The following EDEM2 variants were observed in gnomAD, a reference collection of about 807,000 sequenced individuals.
EDEM2 encodes ER degradation-enhancing alpha-mannosidase-like protein 2.
EDEM2 carries 39 observed loss-of-function variants against 64.8 expected under a neutral mutation model. The observed-to-expected ratio is 0.60, with a 90% CI of 0.47 to 0.79. The LOEUF is 0.79. EDEM2 is among the 30% of genes least tolerant of loss of function. EDEM2 has a pLI of 0.00. For synonymous variants in EDEM2, 296 were observed against 291.5 expected (o/e 1.02, Z -0.16); for missense variants, 609 against 731.3 (o/e 0.83, Z 1.93).
intron 2 of EDEM2, 89 bp from the exon 3 acceptor site, chr20:35,145,107 A>G: frequency 7.4e-7 from 1 of 1,355,910 alleles, no homozygotes; most frequent in Non-Finnish European, 1.0e-6. Context: ...CCTAAAACTA[A>G]ATGAGGCAAA....
At chr20:35,138,991 C>T (rs2085614941) in intron 4 of EDEM2, among the ~76,000 whole-genome samples, 1 of 152,150 alleles carries the variant, frequency 6.6e-6, no homozygotes, top group African/African-American at 2.4e-5. Flanking sequence ...TTTCAAAATT[C>T]CCCTCCTCCC....
At chr20:35,115,976 T>G (rs754132066) in intron 10 of EDEM2, 43 bp from the exon 11 acceptor site, 22 of 1,586,682 alleles carry the variant, frequency 1.4e-5, no homozygotes, top group Middle Eastern at 1.7e-4. Context: ...ACCATCACAA[T>G]TTAGTAGTAA....
intron 10 of EDEM2, chr20:35,117,157 A>C (rs1045496911): frequency 1.3e-5 from 2 of 152,174 alleles, no homozygotes; most frequent in African/African-American, 4.8e-5. Context: ...CAAAGTATCG[A>C]CACTTACTAG....
Position 35,134,855 on chromosome 20 carries a change from A to C in EDEM2, c.585T>G (p.Ile195Met), listed in dbSNP as rs148452142. 1 of 1,614,070 alleles carries C rather than the reference A, an allele frequency of 6.2e-7. No homozygotes were observed. The highest frequency in any genetic ancestry group is 8.5e-7 in the Non-Finnish European group (1 of 1,180,038). Residue 195 changes from isoleucine (I) to methionine (M), a missense_variant, in exon 6 of 11, where the codon ATT becomes ATG. Transcript: ENST00000374492. ...GETPVTCTAG[I>M]GTFIVEFATL... ...TGGCAAATTCAACAATGAAGGTCCCAATCCCTGCCGTACAGGTGACAGGGG... is the reference window on the plus strand; with the variant it reads ...TGGCAAATTCAACAATGAAGGTCCCCATCCCTGCCGTACAGGTGACAGGGG...
At chr20:35,135,650 CAAAAT>C (rs1246297874) in intron 5 of EDEM2, among the ~76,000 whole-genome samples, 1 of 138,854 alleles carries the variant, frequency 7.2e-6, no homozygotes, top group Admixed American at 6.9e-5. Context: ...GACCCTGTCT[CAAAAT>C]AATAATAATA....
At chr20:35,129,102 C>G (rs1318163239) in intron 7 of EDEM2, among the ~76,000 whole-genome samples, 3 of 151,474 alleles carry the variant, frequency 2.0e-5, no homozygotes, top group Non-Finnish European at 4.4e-5. Flanking sequence ...ACCCATCCAT[C>G]TCTACTAAAA....
intron 8 of EDEM2, 118 bp from the exon 9 acceptor site, chr20:35,124,152 G>C (rs2085402682): frequency 7.8e-7 from 1 of 1,288,708 alleles, no homozygotes; most frequent in Non-Finnish European, 1.1e-6. Context: ...CAATCCCTGA[G>C]TCTGCCAGTT....
At chr20:35,146,420 G>A (rs954908471) in intron 2 of EDEM2, among the ~76,000 whole-genome samples, 1 of 152,078 alleles carries the variant, frequency 6.6e-6, no homozygotes, top group Non-Finnish European at 1.5e-5. Context: ...CAGGCACGGG[G>A]CACACCAACT....
intron 10 of EDEM2, chr20:35,118,384 T>C (rs6088722): frequency 0.72 from 451,278 of 624,224 alleles, 163,919 homozygotes; most frequent in Admixed American, 0.83. Context: ...AGGAACTAAT[T>C]CTAGCTCTAC....
intron 9 of EDEM2, among the ~76,000 whole-genome samples, chr20:35,120,920 G>T (rs1041950114): frequency 6.6e-6 from 1 of 151,824 alleles, no homozygotes; most frequent in Admixed American, 6.6e-5. Context: ...AGCAGCTGGT[G>T]GGCCAGTGCC....
At chr20:35,146,988 G>C in intron 1 of EDEM2, 53 bp from the exon 2 acceptor site, 1 of 1,585,102 alleles carries the variant, frequency 6.3e-7, no homozygotes, top group Non-Finnish European at 8.6e-7. Context: ...AAACAAGCGG[G>C]GGAAGAACAA....
intron 7 of EDEM2, among the ~76,000 whole-genome samples, chr20:35,130,387 A>C (rs1277597714): frequency 1.3e-5 from 2 of 152,212 alleles, no homozygotes; most frequent in African/African-American, 4.8e-5. Context: ...TTTAATTTAT[A>C]AATTAGGCAT....
At chr20:35,126,407 T>G in intron 7 of EDEM2, 32 bp from the exon 8 acceptor site, 3 of 1,611,426 alleles carry the variant, frequency 1.9e-6, no homozygotes, top group Non-Finnish European at 2.5e-6. Context: ...AATGGACATA[T>G]GAGTGATTAG....
intron 7 of EDEM2, among the ~76,000 whole-genome samples, chr20:35,129,462 TCAGGAGGCTGAGG>T (rs2085479632): frequency 1.3e-5 from 2 of 150,312 alleles, no homozygotes; most frequent in African/African-American, 4.9e-5. Flanking sequence ...TCCCAGCTAC[TCAGGAGGCTGAGG>T]CAGGAGAATC....
chr20:35,134,667 T>A, intron 6 of EDEM2, 71 bp downstream of exon 6: 1 of 1,563,154 alleles, frequency 6.4e-7, no homozygotes, highest in Non-Finnish European at 8.7e-7. Flanking sequence ...TTGGCTTGAC[T>A]GCAACTTATT....
At chr20:35,131,562 T>C in intron 7 of EDEM2, 80 bp downstream of exon 7, 21 of 1,547,226 alleles carry the variant, frequency 1.4e-5, no homozygotes, top group Non-Finnish European at 1.8e-5. Context: ...CAAGACTCTG[T>C]CTCAAAAAAA....
At chr20:35,121,788 C>T (rs1177548226) in intron 9 of EDEM2, among the ~76,000 whole-genome samples, 4 of 114,944 alleles carry the variant, frequency 3.5e-5, no homozygotes, top group South Asian at 5.8e-4. Flanking sequence ...TTCCTGACAG[C>T]GGTGCCTTAT....
At chr20:35,133,412 G>C (rs1279343568) in intron 6 of EDEM2, among the ~76,000 whole-genome samples, 1 of 151,992 alleles carries the variant, frequency 6.6e-6, no homozygotes, top group East Asian at 1.9e-4. Context: ...CCCACTGCTG[G>C]AGCAAAACCT....
In EDEM2 at chr20:35,123,197, C is replaced by T. The variant is rs956850007; in HGVS notation, c.1114+693G>A. Among the ~76,000 whole-genome samples, 7 of 152,094 alleles carry T rather than the reference C, an allele frequency of 4.6e-5. No homozygotes were observed. The East Asian group carries it at 1.3e-3, about 29-fold the overall frequency. On this transcript the variant is annotated intron_variant, in intron 9 of 10. Transcript: ENST00000374492. ...TACACGTAAGCATAATTTATCTGAC[C>T]CATGGACTTAGGAAGCTTGCCTACA... is the stretch of plus-strand genomic sequence containing the variant.
Sources: gnomAD v4.1 joint callset for allele counts (sites outside exome capture counted in the v4.1 genomes callset) on GRCh38, gnomAD v4.1.1 for gene constraint, MANE v1.5 for transcripts, NCBI Gene and HGNC (gene_info 2026-07-23, HGNC 2026-07-21) for gene names.